NSMCE2: variants seen among roughly 807,000 people sequenced by gnomAD.
The protein encoded by NSMCE2 is NSE2 SUMO ligase component of SMC5/6 complex, also known as E3 SUMO-protein ligase NSE2.
In NSMCE2, 24 loss-of-function variants were observed where a neutral mutation model predicts 23.8. That is an observed-to-expected ratio of 1.01 (90% CI 0.73 to 1.42). NSMCE2 has a LOEUF of 1.42. Ranked by LOEUF, NSMCE2 falls within the 40% of genes most tolerant of loss-of-function variation. The pLI, the probability that NSMCE2 is intolerant of heterozygous loss-of-function variation, is 0.00. For synonymous variants in NSMCE2, 92 were observed against 94.1 expected, an observed-to-expected ratio of 0.98 and a Z score of 0.13; for missense variants, 284 against 296.5, an observed-to-expected ratio of 0.96 and a Z score of 0.31.
At chr8:125,120,067 C>T (rs1247265910) in intron 3 of NSMCE2, among the ~76,000 whole-genome samples, 1 of 152,012 alleles carries the variant, frequency 6.6e-6, no homozygotes, top group Non-Finnish European at 1.5e-5. Context: ...AATATTTTAA[C>T]ATATAATCAA....
At chr8:125,284,033 A>G (rs938931415) in intron 5 of NSMCE2, among the ~76,000 whole-genome samples, 1 of 152,054 alleles carries the variant, frequency 6.6e-6, no homozygotes, top group Non-Finnish European at 1.5e-5. Flanking sequence ...GGGCGCCTGT[A>G]GTCTCAGCTA....
intron 5 of NSMCE2, among the ~76,000 whole-genome samples, chr8:125,251,282 CAAT>C (rs1826187323): frequency 6.6e-6 from 1 of 151,924 alleles, no homozygotes; most frequent in Admixed American, 6.6e-5. Context: ...ATTCCATTCT[CAAT>C]AATGACATAA....
intron 5 of NSMCE2, among the ~76,000 whole-genome samples, chr8:125,272,982 G>A (rs1211411611): frequency 6.6e-6 from 1 of 152,082 alleles, no homozygotes; most frequent in Non-Finnish European, 1.5e-5. Context: ...TGGGTGACAC[G>A]GGGCAGGATC....
At chr8:125,183,897 A>G (rs1822952119) in intron 5 of NSMCE2, among the ~76,000 whole-genome samples, 1 of 152,150 alleles carries the variant, frequency 6.6e-6, no homozygotes, top group Non-Finnish European at 1.5e-5. Context: ...CAGTGAAAAG[A>G]CCGAGAACTA....
chr8:125,134,751 G>A (rs72720538), intron 3 of NSMCE2, among the ~76,000 whole-genome samples: 13,608 of 140,518 alleles, frequency 0.097, 706 homozygotes, highest in African/African-American at 0.11. Context: ...TTTAAGAGTC[G>A]GGGTCTTGCT....
intron 5 of NSMCE2, among the ~76,000 whole-genome samples, chr8:125,189,508 G>A (rs1823251496): frequency 6.6e-6 from 1 of 152,216 alleles, no homozygotes; most frequent in Admixed American, 6.5e-5. Context: ...TAAAGTGTAA[G>A]AACTAATAGT....
chr8:125,262,618 G>A (rs549978781), intron 5 of NSMCE2, among the ~76,000 whole-genome samples: 2 of 152,206 alleles, frequency 1.3e-5, no homozygotes, highest in East Asian at 1.9e-4. Context: ...TATGTGCCAG[G>A]CACTTTGAAA....
At chr8:125,153,056 C>CAA (rs768246218) in intron 4 of NSMCE2, among the ~76,000 whole-genome samples, 8,982 of 46,712 alleles carry the variant, frequency 0.19, 1,635 homozygotes, top group African/African-American at 0.28. Flanking sequence ...GACTCCGTCT[C>CAA]AAAAAAAAAA....
At chr8:125,166,341 A>G (rs1821876509) in intron 4 of NSMCE2, among the ~76,000 whole-genome samples, 1 of 152,150 alleles carries the variant, frequency 6.6e-6, no homozygotes, top group South Asian at 2.1e-4. Context: ...ATCTCAGCTT[A>G]CTGCAACCTC....
chr8:125,108,393 T>C (rs577722156), intron 3 of NSMCE2, among the ~76,000 whole-genome samples: 2 of 152,322 alleles, frequency 1.3e-5, no homozygotes, highest in South Asian at 2.1e-4. Flanking sequence ...TAACAGTAGA[T>C]GAAAGACTTG....
At chr8:125,133,507 A>T (rs1819877103) in intron 3 of NSMCE2, among the ~76,000 whole-genome samples, 1 of 152,166 alleles carries the variant, frequency 6.6e-6, no homozygotes, top group South Asian at 2.1e-4. Flanking sequence ...TGGGAGGCCA[A>T]GGCAGGTGAT....
chr8:125,235,724 A>G (rs1825517709), intron 5 of NSMCE2, among the ~76,000 whole-genome samples: 1 of 152,172 alleles, frequency 6.6e-6, no homozygotes, highest in African/African-American at 2.4e-5. Flanking sequence ...TGTTTTATTC[A>G]TACACATCTT....
chr8:125,216,636 A>G (rs111326288), intron 5 of NSMCE2, among the ~76,000 whole-genome samples: 4 of 93,754 alleles, frequency 4.3e-5, no homozygotes, highest in Non-Finnish European at 9.8e-5. Context: ...CTGTGTGTCA[A>G]AAAAAAAAAA....
At chr8:125,162,780 C>T (rs1293176608) in intron 4 of NSMCE2, among the ~76,000 whole-genome samples, 1 of 152,196 alleles carries the variant, frequency 6.6e-6, no homozygotes, top group Non-Finnish European at 1.5e-5. Context: ...ACCACCTAAA[C>T]TTGGAATAAA....
intron 3 of NSMCE2, among the ~76,000 whole-genome samples, chr8:125,139,332 C>T (rs1264503915): frequency 6.6e-6 from 1 of 152,196 alleles, no homozygotes; most frequent in East Asian, 1.9e-4. Context: ...GGAAGTTCCT[C>T]CACTAACACT....
intron 5 of NSMCE2, among the ~76,000 whole-genome samples, chr8:125,287,907 C>CTT (rs1827962104): frequency 6.6e-6 from 1 of 152,162 alleles, no homozygotes; most frequent in Admixed American, 6.5e-5. Context: ...GACTACTCGA[C>CTT]GCTCCCAGAT....
chr8:125,269,382 A>G (rs909773187), intron 5 of NSMCE2, among the ~76,000 whole-genome samples: 1 of 152,078 alleles, frequency 6.6e-6, no homozygotes, highest in Non-Finnish European at 1.5e-5. Flanking sequence ...CACTGCACCC[A>G]GCCGACTCTT....
chr8:125,346,107 A>G (rs1830426060), intron 5 of NSMCE2, among the ~76,000 whole-genome samples: 1 of 152,174 alleles, frequency 6.6e-6, no homozygotes, highest in Non-Finnish European at 1.5e-5. Flanking sequence ...CAGTGAGCCA[A>G]GATCGCACCA....
At chr8:125,356,340 T>TC (rs1813278927) in intron 5 of NSMCE2, among the ~76,000 whole-genome samples, 1 of 146,042 alleles carries the variant, frequency 6.8e-6, no homozygotes, top group Non-Finnish European at 1.5e-5. Flanking sequence ...TTTTTTTTTT[T>TC]TTTTTTTGAG....
Sources: gnomAD v4.1 joint callset for allele counts (sites outside exome capture counted in the v4.1 genomes callset) on GRCh38, gnomAD v4.1.1 for gene constraint, MANE v1.5 for transcripts, NCBI Gene and HGNC (gene_info 2026-07-23, HGNC 2026-07-21) for gene names.